Variants in TNR observed in about 807,000 individuals in gnomAD.
The protein encoded by TNR is tenascin R.
In TNR, 45 loss-of-function variants were observed where a neutral mutation model predicts 150.4. The observed-to-expected ratio is 0.30, with a 90% CI of 0.24 to 0.38. The LOEUF is 0.38. Among genes scored for constraint, TNR ranks in the 10% least tolerant of loss-of-function variants. The probability of loss-of-function intolerance (pLI) is 1.00; values close to 1 mark genes in which losing one functional copy is unlikely to be tolerated. For synonymous variants in TNR, 687 were observed against 678.4 expected (o/e 1.01, Z -0.20); for missense variants, 1,544 against 1,759.1 (o/e 0.88, Z 2.19).
At chr1:175,477,753 C>T (rs1391105875) in intron 2 of TNR, among the ~76,000 whole-genome samples, 1 of 152,236 alleles carries the variant, frequency 6.6e-6, no homozygotes, top group Non-Finnish European at 1.5e-5. Context: ...CGGAGGCACA[C>T]ATGTACAACA....
At chr1:175,563,447 C>T (rs1023689649) in intron 1 of TNR, among the ~76,000 whole-genome samples, 7 of 152,200 alleles carry the variant, frequency 4.6e-5, no homozygotes, top group African/African-American at 1.7e-4. Flanking sequence ...TCATGCTCCT[C>T]AACAGCCTAT....
At position 175,403,211 on chromosome 1, in the gene TNR, C is replaced by T. The variant is rs35736986; in HGVS notation, c.905G>A (p.Ser302Asn). ...CCCCTCCTCACATTGTCCTCGCCCA[C>T]TGCAGGCATTCAGACACTGCCGCTG... ...CGQRQCLNAC[S>N]GRGQCEEGLC... is the part of the protein sequence containing the mutation. The change falls in exon 4 of 23, where the codon AGT (serine) becomes AAT (asparagine). Residue 302 changes from serine (S) to asparagine (N), a missense_variant. By Grantham distance (46) the Ser-to-Asn change is conservative. Around this residue, in one of 2 missense-constraint regions of TNR, gnomAD observed 1,254 missense variants for 1,329.4 expected, o/e 0.94. Transcript: ENST00000367674. 1.8e-3 allele frequency: 2,954 copies of T among 1,614,172 alleles called. 58 individuals are homozygous for T. The African/African-American group carries it at 0.035, about 19-fold the overall frequency.
At chr1:175,579,165 TTTCCTTCCTTCCTTCCTTCCTTCC>T (rs60083467) in intron 1 of TNR, among the ~76,000 whole-genome samples, 1 of 134,380 alleles carries the variant, frequency 7.4e-6, no homozygotes, top group Non-Finnish European at 1.6e-5. Flanking sequence ...TCGTTCCTTC[TTTCCTTCCTTCCTTCCTTCCTTCC>T]TTCCTTCCTT....
chr1:175,597,756 C>CATTCA lies in TNR; in HGVS notation c.-164-69392_-164-69388dup, dbSNP rs1663066316. The stretch of plus-strand genomic sequence containing the variant: ...CCAGTCATGTAAATTAGCATTGATC[C>CATTCA]ATTCACCTCCAAGCATTTGGCCAGG... On this transcript the variant is annotated intron_variant, in intron 1 of 22. Transcript: ENST00000367674. Among the ~76,000 whole-genome samples, 3 of 152,140 alleles carry CATTCA rather than the reference C, an allele frequency of 2.0e-5. 1 individual carries two copies. In the South Asian group the frequency reaches 6.2e-4, roughly 32 times the overall value.
At chr1:175,439,817 A>G (rs1175967992) in intron 2 of TNR, among the ~76,000 whole-genome samples, 1 of 152,238 alleles carries the variant, frequency 6.6e-6, no homozygotes, top group African/African-American at 2.4e-5. Flanking sequence ...AATCAAAACC[A>G]TAATGAGATA....
chr1:175,479,375 C>T (rs531780039), intron 2 of TNR, among the ~76,000 whole-genome samples: 1 of 152,290 alleles, frequency 6.6e-6, no homozygotes, highest in South Asian at 2.1e-4. Context: ...ACCAACAATG[C>T]GGTATTCCCA....
At chr1:175,728,795 C>G (rs1229796630) in intron 1 of TNR, among the ~76,000 whole-genome samples, 3 of 152,130 alleles carry the variant, frequency 2.0e-5, no homozygotes, top group African/African-American at 7.2e-5. Flanking sequence ...GTAGGGAAAT[C>G]AATATTTGTT....
Position 175,323,217 on chromosome 1 carries a change from G to T in TNR, c.*140C>A. 2 of 1,129,134 alleles carry T rather than the reference G, an allele frequency of 1.8e-6. No homozygotes were observed. Among genetic ancestry groups the T allele is most frequent in the Non-Finnish European group, 2.4e-6 (2 of 819,216 alleles). 69.9% of individuals were successfully genotyped at this position (1,129,134 alleles called of 1,614,324 possible). A position where few individuals can be genotyped will look rare whatever the true frequency, so the allele number is the denominator to read the frequency against. The stretch of plus-strand genomic sequence containing the variant: ...AACCAAGAGCAGATGTTAGCCAGCG[G>T]ATTCCTGCGACATCCCTGCTTCCTT... On this transcript the variant is annotated 3_prime_UTR_variant, in exon 23 of 23. Coordinates refer to ENST00000367674, the MANE Select transcript of TNR (RefSeq NM_003285.3).
chr1:175,522,924 G>A (rs563715768), intron 2 of TNR, among the ~76,000 whole-genome samples: 36 of 152,248 alleles, frequency 2.4e-4, no homozygotes, highest in Admixed American at 1.1e-3. Context: ...CCAGAAATAC[G>A]GGTCCTGCCT....
At chr1:175,504,285 T>A (rs1353691929) in intron 2 of TNR, among the ~76,000 whole-genome samples, 2 of 152,172 alleles carry the variant, frequency 1.3e-5, no homozygotes, top group Non-Finnish European at 2.9e-5. Flanking sequence ...CTGCATGCAT[T>A]ATCTCTGTAT....
At chr1:175,436,354 T>C (rs1279758549) in intron 2 of TNR, among the ~76,000 whole-genome samples, 9 of 152,214 alleles carry the variant, frequency 5.9e-5, no homozygotes, top group Non-Finnish European at 4.4e-5. Context: ...TTCTTTTTTC[T>C]CTAAACTTCT....
chr1:175,624,780 C>T (rs1283544731), intron 1 of TNR, among the ~76,000 whole-genome samples: 1 of 152,122 alleles, frequency 6.6e-6, no homozygotes, highest in African/African-American at 2.4e-5. Flanking sequence ...TGGTGGGCTC[C>T]TGGGGTAGGG....
chr1:175,620,487 C>T (rs970992837), intron 1 of TNR, among the ~76,000 whole-genome samples: 5 of 152,212 alleles, frequency 3.3e-5, no homozygotes, highest in African/African-American at 7.2e-5. Context: ...GCCAGAGAAA[C>T]TAGTCCAAGT....
At chr1:175,351,680 G>A (rs544480209) in intron 18 of TNR, among the ~76,000 whole-genome samples, 1 of 152,254 alleles carries the variant, frequency 6.6e-6, no homozygotes, top group African/African-American at 2.4e-5. Context: ...CATTTCAGTG[G>A]GTTCTGATAA....
At chr1:175,433,666 A>C (rs1655372291) in intron 2 of TNR, among the ~76,000 whole-genome samples, 1 of 152,154 alleles carries the variant, frequency 6.6e-6, no homozygotes, top group Admixed American at 6.5e-5. Flanking sequence ...GGGCTTCATC[A>C]AGCAGACTTT....
At chr1:175,563,632 T>C (rs928523304) in intron 1 of TNR, among the ~76,000 whole-genome samples, 1 of 152,204 alleles carries the variant, frequency 6.6e-6, no homozygotes, top group Non-Finnish European at 1.5e-5. Flanking sequence ...CTATAGAGTG[T>C]TGACATATAT....
rs547704646 is a variant in TNR, at chr1:175,574,975, T to G, written c.-164-46606A>C. ...CAAAACAGATGTAGCACATTCCTCATGGAATTTAGTAACTAAGCAGTCTGG... is the reference window on the plus strand; with the variant it reads ...CAAAACAGATGTAGCACATTCCTCAGGGAATTTAGTAACTAAGCAGTCTGG... On this transcript the variant is annotated intron_variant, in intron 1 of 22. Transcript: ENST00000367674. 2.0e-5 allele frequency among the ~76,000 whole-genome samples: 3 copies of G among 152,330 alleles called. No homozygotes were observed. The South Asian group carries it at 6.2e-4, about 32-fold the overall frequency.
chr1:175,452,216 G>A (rs1042806915), intron 2 of TNR, among the ~76,000 whole-genome samples: 2 of 152,190 alleles, frequency 1.3e-5, no homozygotes, highest in Non-Finnish European at 2.9e-5. Flanking sequence ...CAGACTTAAG[G>A]AATCCCACAA....
intron 1 of TNR, among the ~76,000 whole-genome samples, chr1:175,728,492 A>G (rs775349732): frequency 3.9e-5 from 6 of 152,212 alleles, no homozygotes; most frequent in Admixed American, 2.0e-4. Flanking sequence ...CCTAGCAGGC[A>G]TGATTTAAGG....
Sources: gnomAD v4.1 joint callset for allele counts (sites outside exome capture counted in the v4.1 genomes callset) on GRCh38, gnomAD v4.1.1 for gene constraint, gnomAD v4.1.1 regional missense constraint, MANE v1.5 for transcripts, NCBI Gene and HGNC (gene_info 2026-07-23, HGNC 2026-07-21) for gene names.